Variants in ELMO1 observed in about 807,000 individuals in gnomAD.
ELMO1 encodes the protein engulfment and cell motility protein 1.
Under a neutral mutation model 98.9 loss-of-function variants are expected in ELMO1, and 26 were observed. The observed-to-expected ratio is 0.26, with a 90% CI of 0.19 to 0.36. ELMO1 has a LOEUF of 0.36. Ranked by LOEUF, ELMO1 falls within the 10% of genes least tolerant of loss-of-function variation. The probability of loss-of-function intolerance (pLI) is 1.00; values close to 1 mark genes in which losing one functional copy is unlikely to be tolerated. For missense variants in ELMO1, 627 were observed against 935.2 expected (o/e 0.67, Z 4.30); for synonymous variants, 346 against 346.0 (o/e 1.00, Z 0.00).
In ELMO1 at chr7:36,955,816, G is replaced by A. The variant is rs762916344; in HGVS notation, c.1437+57483C>T. Among the ~76,000 whole-genome samples the A allele has an allele frequency of 1.3e-5, 2 of 152,174 alleles. 1 individual carries two copies. The highest frequency in any genetic ancestry group is 4.1e-4 in the South Asian group (2 of 4,830). On this transcript the variant is annotated intron_variant, in intron 16 of 21. Coordinates refer to ENST00000310758, the MANE Select transcript of ELMO1 (RefSeq NM_014800.11). ...CCTCTAGCCCATTCCTATCCAAAAT[G>A]GGTGGTAAATTCTTGATATCTTTCA...
intron 4 of ELMO1, among the ~76,000 whole-genome samples, chr7:37,304,451 CA>C (rs1798501315): frequency 6.6e-6 from 1 of 152,210 alleles, no homozygotes; most frequent in Non-Finnish European, 1.5e-5. Flanking sequence ...CACGGCGGCT[CA>C]CGCCTGTAAT....
Position 36,909,996 on chromosome 7 carries a change from CCTT to C in ELMO1, c.1438-14982_1438-14980del, listed in dbSNP as rs1784232845. Among the ~76,000 whole-genome samples, 15 of 152,276 alleles carry C rather than the reference CCTT, an allele frequency of 9.9e-5. No individual in the cohort carries two copies. In the South Asian group the frequency reaches 3.1e-3, roughly 32 times the overall value. ...TGTCTCTTATCAATACTCCATTGCC[CCTT>C]CTTCTGCGTAAGGCATTGCATAGAC... On this transcript the variant is annotated intron_variant, in intron 16 of 21. Coordinates refer to ENST00000310758, the MANE Select transcript of ELMO1 (RefSeq NM_014800.11).
At position 37,438,421 on chromosome 7, in the gene ELMO1, A is replaced by C. The variant is rs191440651; in HGVS notation, c.-74+10254T>G. ...GCTAACACAGTGAAATCCTGTCTCT[A>C]CTAAAAATACAAAAAAAAAAAAAAA... On this transcript the variant is annotated intron_variant, in intron 1 of 21. Coordinates refer to ENST00000310758, the MANE Select transcript of ELMO1 (RefSeq NM_014800.11). 7.6e-3 allele frequency among the ~76,000 whole-genome samples: 929 copies of C among 121,810 alleles called. 11 individuals carry two copies. The highest frequency in any genetic ancestry group is 0.027 in the African/African-American group (867 of 32,264). The allele number at this position is 121,810 out of a possible 152,430, so 79.9% of individuals were successfully genotyped here. A position where few individuals can be genotyped will look rare whatever the true frequency, so the allele number is the denominator to read the frequency against.
At chr7:36,955,664 T>C (rs374541162) in intron 16 of ELMO1, among the ~76,000 whole-genome samples, 3 of 152,214 alleles carry the variant, frequency 2.0e-5, no homozygotes, top group African/African-American at 7.2e-5. Context: ...GTCTTTTCCA[T>C]ATGTAAGGAT....
chr7:37,232,577 C>G (rs1005130146), intron 8 of ELMO1, among the ~76,000 whole-genome samples: 18 of 152,202 alleles, frequency 1.2e-4, no homozygotes, highest in Non-Finnish European at 2.4e-4. Flanking sequence ...ACTGGTAGAA[C>G]TGGGTGATGT....
chr7:37,039,852 A>G (rs1055048049), intron 15 of ELMO1, among the ~76,000 whole-genome samples: 4 of 152,244 alleles, frequency 2.6e-5, no homozygotes, highest in African/African-American at 4.8e-5. Context: ...AAGATAAATT[A>G]CAGGTGCTGA....
At chr7:37,044,861 T>C (rs1364651058) in intron 15 of ELMO1, among the ~76,000 whole-genome samples, 2 of 152,222 alleles carry the variant, frequency 1.3e-5, no homozygotes, top group Non-Finnish European at 2.9e-5. Context: ...TAATAAAGTA[T>C]GAATTAGAGA....
At chr7:37,345,987 TAA>T (rs554672695) in intron 1 of ELMO1, among the ~76,000 whole-genome samples, 55 of 114,408 alleles carry the variant, frequency 4.8e-4, no homozygotes, top group Admixed American at 7.3e-4. Context: ...AGACTCCATC[TAA>T]AAAAAAAAAA....
At chr7:36,938,214 T>C (rs935599674) in intron 16 of ELMO1, among the ~76,000 whole-genome samples, 2 of 152,254 alleles carry the variant, frequency 1.3e-5, no homozygotes, top group Non-Finnish European at 2.9e-5. Flanking sequence ...CCAGTTATAG[T>C]TGTCATTGTA....
intron 12 of ELMO1, 140 bp downstream of exon 12, chr7:37,213,195 G>T: frequency 1.9e-6 from 2 of 1,072,612 alleles, no homozygotes; most frequent in Non-Finnish European, 2.6e-6. Context: ...TTGAAGCCAT[G>T]CCCCTAAGTT....
At chr7:37,409,898 G>A (rs1803924374) in intron 1 of ELMO1, among the ~76,000 whole-genome samples, 1 of 152,276 alleles carries the variant, frequency 6.6e-6, no homozygotes, top group South Asian at 2.1e-4. Flanking sequence ...AAAGATACTG[G>A]CATGACCATT....
At chr7:36,912,507 T>G (rs907554227) in intron 16 of ELMO1, among the ~76,000 whole-genome samples, 8 of 152,160 alleles carry the variant, frequency 5.3e-5, no homozygotes, top group Non-Finnish European at 7.4e-5. Flanking sequence ...ACGGATTTAT[T>G]TTTGAAATTA....
intron 16 of ELMO1, 48 bp downstream of exon 16, chr7:37,013,251 C>T (rs764280169): frequency 8.1e-6 from 13 of 1,608,262 alleles, no homozygotes; most frequent in Non-Finnish European, 1.1e-5. Context: ...GCAGCAGGCC[C>T]CTTTAGCGCT....
rs570157755 is a variant in ELMO1 at position 36,974,368 on chromosome 7, T to G, written c.1437+38931A>C. 6.6e-5 allele frequency among the ~76,000 whole-genome samples: 10 copies of G among 151,988 alleles called. No homozygotes were observed. The South Asian group carries it at 2.1e-3, about 32-fold the overall frequency. On this transcript the variant is annotated intron_variant, in intron 16 of 21. Transcript: ENST00000310758. ...GAACCTTTATGTCTAGCTCAGGGAT[T>G]GTAAATACACCAATCGGCACTCTGT...
chr7:37,401,743 T>C (rs1303363369), intron 1 of ELMO1, among the ~76,000 whole-genome samples: 1 of 152,080 alleles, frequency 6.6e-6, no homozygotes, highest in Non-Finnish European at 1.5e-5. Context: ...ATGATTCAAT[T>C]ACCTCCTAGT....
intron 8 of ELMO1, among the ~76,000 whole-genome samples, chr7:37,227,150 G>A (rs1584839168): frequency 6.6e-6 from 1 of 152,158 alleles, no homozygotes; most frequent in East Asian, 1.9e-4. Flanking sequence ...TTATATCCCT[G>A]TGATACATCT....
chr7:37,116,045 T>G (rs1248450822), intron 14 of ELMO1, among the ~76,000 whole-genome samples: 1 of 152,152 alleles, frequency 6.6e-6, no homozygotes. Context: ...AAAACTGTTC[T>G]AAAACACAAT....
rs183819805 is a variant in ELMO1 at position 37,319,761 on chromosome 7, A to G, written c.79-3801T>C. Among the ~76,000 whole-genome samples, 5 of 152,194 alleles carry G rather than the reference A, an allele frequency of 3.3e-5. No individual in the cohort carries two copies. The East Asian group carries it at 9.7e-4, about 29-fold the overall frequency. The stretch of plus-strand genomic sequence containing the variant: ...TTACAAGACACTAAGTCTCATCACT[A>G]CTTCTTCCACAACCTCTCTCCCTTT... On this transcript the variant is annotated intron_variant, in intron 2 of 21. Coordinates refer to ENST00000310758, the MANE Select transcript of ELMO1 (RefSeq NM_014800.11).
intron 16 of ELMO1, among the ~76,000 whole-genome samples, chr7:36,899,200 A>G (rs993772153): frequency 3.3e-5 from 5 of 152,264 alleles, no homozygotes; most frequent in Admixed American, 6.5e-5. Context: ...GATGGCTAAA[A>G]TGAAAAATTT....
Sources: gnomAD v4.1 joint callset for allele counts (sites outside exome capture counted in the v4.1 genomes callset) on GRCh38, gnomAD v4.1.1 for gene constraint, MANE v1.5 for transcripts, NCBI Gene and HGNC (gene_info 2026-07-23, HGNC 2026-07-21) for gene names.